The following MYOF variants were observed in gnomAD, a reference collection of about 807,000 sequenced individuals.
The protein encoded by MYOF is fer-1-like 3, myoferlin.
MYOF carries 244 observed loss-of-function variants against 284.2 expected under a neutral mutation model. The ratio of observed to expected loss-of-function variants is 0.86; its 90% CI spans 0.77 to 0.95. The LOEUF (loss-of-function observed/expected upper bound fraction) is 0.95, where lower values mean the gene tolerates loss of function less well. Among genes scored for constraint, MYOF ranks in the 40% least tolerant of loss-of-function variants. MYOF has a pLI of 0.00. For synonymous variants in MYOF, 904 were observed against 919.7 expected, an observed-to-expected ratio of 0.98 and a Z score of 0.31; for missense variants, 2,496 against 2,560.6, an observed-to-expected ratio of 0.97 and a Z score of 0.54.
At chr10:93,440,422 C>A (rs200296384) in intron 3 of MYOF, among the ~76,000 whole-genome samples, 18 of 928 alleles carry the variant, frequency 0.019, no homozygotes, top group African/African-American at 0.025. Flanking sequence ...AAAAAAAAAA[C>A]CCCCAAAACA....
chr10:93,376,489 C>G (rs10882226), intron 22 of MYOF, among the ~76,000 whole-genome samples: 1 of 149,576 alleles, frequency 6.7e-6, no homozygotes, highest in Admixed American at 6.6e-5. Flanking sequence ...GGACCCAGCT[C>G]TAACATTCAG....
Position 93,313,093 on chromosome 10 carries a change from G to A in MYOF, c.5816C>T (p.Ser1939Phe). The A allele has an allele frequency of 6.2e-7, 1 of 1,614,112 alleles. No homozygotes were observed. Among genetic ancestry groups the A allele is most frequent in the Non-Finnish European group, 8.5e-7 (1 of 1,180,000 alleles). Residue 1939 changes from serine (S) to phenylalanine (F), a missense_variant, in exon 51 of 54, where the codon TCC (serine) becomes TTC (phenylalanine). Physicochemically the swap from Ser to Phe is radical, Grantham distance 155. Coordinates refer to ENST00000359263, the MANE Select transcript of MYOF (RefSeq NM_013451.4). ...AMNPLKAKTA[S>F]LFEQKSMKGW... Reference sequence around the variant, plus strand: ...TTTCATGGACTTCTGCTCAAAGAGGGAGGCTGTCTTGGCTTTAAGGGGGTT... The same window carrying A: ...TTTCATGGACTTCTGCTCAAAGAGGAAGGCTGTCTTGGCTTTAAGGGGGTT...
At chr10:93,354,431 T>C (rs1470065509) in intron 31 of MYOF, among the ~76,000 whole-genome samples, 2 of 152,126 alleles carry the variant, frequency 1.3e-5, no homozygotes, top group African/African-American at 2.4e-5. Context: ...ATGCAAAGTG[T>C]ATCAATCAGG....
chr10:93,450,276 C>T (rs1048358784), intron 3 of MYOF, among the ~76,000 whole-genome samples: 1 of 152,204 alleles, frequency 6.6e-6, no homozygotes. Flanking sequence ...CCTGTAGTCC[C>T]AGCTACTCAG....
intron 2 of MYOF, among the ~76,000 whole-genome samples, chr10:93,455,486 G>A (rs1030075916): frequency 6.6e-6 from 1 of 151,858 alleles, no homozygotes; most frequent in Non-Finnish European, 1.5e-5. Context: ...TGGGCAACAC[G>A]GCAAAAGCCC....
At chr10:93,465,530 TTTC>T (rs1441639763) in intron 1 of MYOF, among the ~76,000 whole-genome samples, 1 of 78,820 alleles carries the variant, frequency 1.3e-5, no homozygotes. Context: ...CTTTCTTTTT[TTTC>T]TTTTCTTTTT....
chr10:93,378,121 C>G (rs998900050), intron 21 of MYOF, among the ~76,000 whole-genome samples: 1 of 152,180 alleles, frequency 6.6e-6, no homozygotes, highest in African/African-American at 2.4e-5. Context: ...GATTTACGGA[C>G]TGGGGCAGAG....
rs1482116305 is a variant in MYOF at position 93,351,270 on chromosome 10, G to A, written c.3848C>T (p.Pro1283Leu). The change falls in exon 35 of 54, where the codon CCC (proline) becomes CTC (leucine). Residue 1283 changes from proline (P) to leucine (L), a missense_variant. Physicochemically the swap from Pro to Leu is moderately conservative, Grantham distance 98 (BLOSUM62 -3). Around this residue, in one of 3 missense-constraint regions of MYOF, gnomAD observed 2,436 missense variants for 2,480.7 expected, o/e 0.98. Coordinates refer to ENST00000359263, the MANE Select transcript of MYOF (RefSeq NM_013451.4). ...GTATAGATTTGGCGCCCTTTGAGGGGGAAGAATGGGAAGGTTGGAGCCATC... is the reference window on the plus strand; with the variant it reads ...GTATAGATTTGGCGCCCTTTGAGGGAGAAGAATGGGAAGGTTGGAGCCATC... Reference protein sequence around the residue: ...GKDGSNLPILPPQRAPNLYMV... With the variant: ...GKDGSNLPILLPQRAPNLYMV... The A allele has an allele frequency of 6.2e-7, 1 of 1,613,368 alleles. No homozygotes were observed. Among genetic ancestry groups the A allele is most frequent in the East Asian group, 2.2e-5 (1 of 44,898 alleles).
chr10:93,379,452 A>G (rs865921375), intron 21 of MYOF, among the ~76,000 whole-genome samples: 4 of 152,198 alleles, frequency 2.6e-5, no homozygotes, highest in Admixed American at 6.5e-5. Context: ...CGTTGGAGTC[A>G]CATGTGGCTG....
At chr10:93,347,877 C>A in intron 36 of MYOF, 95 bp from the exon 37 acceptor site, 1 of 1,279,600 alleles carries the variant, frequency 7.8e-7, no homozygotes. Context: ...TTCTCTCTGC[C>A]ACACAGCCCA....
Position 93,456,850 on chromosome 10 carries a change from T to C in MYOF, c.144+32A>G, listed in dbSNP as rs201436914. On this transcript the variant is annotated intron_variant, in intron 2 of 53. Coordinates refer to ENST00000359263, the MANE Select transcript of MYOF (RefSeq NM_013451.4). ...AGGACAATCAGAAATAGCTTATCTATTAAAACAAAGTTGAAAAAACAATGA... is the reference window on the plus strand; with the variant it reads ...AGGACAATCAGAAATAGCTTATCTACTAAAACAAAGTTGAAAAAACAATGA... 5.2e-6 allele frequency: 8 copies of C among 1,524,692 alleles called. No individual in the cohort carries two copies. In the Admixed American group the frequency reaches 1.4e-4, roughly 28 times the overall value. The allele number at this position is 1,524,692 out of a possible 1,614,324, so 94.4% of individuals were successfully genotyped here.
chr10:93,463,339 G>T (rs1048220232), intron 1 of MYOF, among the ~76,000 whole-genome samples: 1 of 150,754 alleles, frequency 6.6e-6, no homozygotes, highest in African/African-American at 2.4e-5. Flanking sequence ...AGGATCGCTT[G>T]AGTCCAGGAG....
intron 1 of MYOF, among the ~76,000 whole-genome samples, chr10:93,470,050 G>A (rs1008533516): frequency 3.3e-5 from 5 of 151,966 alleles, no homozygotes; most frequent in African/African-American, 9.7e-5. Flanking sequence ...CCAACATGGT[G>A]AAACCCAGTC....
chr10:93,384,099 G>A (rs1435920136), intron 19 of MYOF, among the ~76,000 whole-genome samples: 1 of 152,182 alleles, frequency 6.6e-6, no homozygotes, highest in African/African-American at 2.4e-5. Flanking sequence ...CGCTGAAGAT[G>A]GAGCCGCTGG....
chr10:93,431,345 C>G (rs1848857763), intron 4 of MYOF, 63 bp downstream of exon 4: 1 of 1,452,992 alleles, frequency 6.9e-7, no homozygotes, highest in Admixed American at 1.7e-5. Context: ...AGACCTTTTT[C>G]TTAATGAAAT....
chr10:93,344,065 G>T, intron 37 of MYOF, 133 bp from the exon 38 acceptor site: 1 of 833,476 alleles, frequency 1.2e-6, no homozygotes, highest in Non-Finnish European at 1.9e-6. Context: ...ACAGAATAGA[G>T]AGGACAACTC....
intron 24 of MYOF, among the ~76,000 whole-genome samples, chr10:93,370,752 G>T (rs1845549965): frequency 6.6e-6 from 1 of 152,274 alleles, no homozygotes; most frequent in African/African-American, 2.4e-5. Context: ...AAGCTCTTGT[G>T]CAATTTTTTG....
intron 5 of MYOF, among the ~76,000 whole-genome samples, chr10:93,423,402 C>G (rs1425657310): frequency 6.6e-6 from 1 of 151,628 alleles, no homozygotes; most frequent in African/African-American, 2.4e-5. Context: ...TCGCGGGCGC[C>G]TGTAATCCCA....
chr10:93,402,184 C>T (rs1275983355), intron 11 of MYOF, 48 bp downstream of exon 11: 2 of 1,521,578 alleles, frequency 1.3e-6, no homozygotes, highest in East Asian at 2.3e-5. Context: ...AACTCTTGGC[C>T]TTCTTTTTTA....
Sources: gnomAD v4.1 joint callset for allele counts (sites outside exome capture counted in the v4.1 genomes callset) on GRCh38, gnomAD v4.1.1 for gene constraint, gnomAD v4.1.1 regional missense constraint, MANE v1.5 for transcripts, NCBI Gene and HGNC (gene_info 2026-07-23, HGNC 2026-07-21) for gene names.